The following SDK1 variants were observed in gnomAD, a reference collection of about 807,000 sequenced individuals.
SDK1 encodes the protein sidekick cell adhesion molecule 1.
A neutral mutation model predicts 245.5 loss-of-function variants in SDK1; 157 were observed. That is an observed-to-expected ratio of 0.64 (90% CI 0.56 to 0.73). SDK1 has a LOEUF of 0.73. Ranked by LOEUF, SDK1 falls within the 30% of genes least tolerant of loss-of-function variation. The pLI, the probability that SDK1 is intolerant of heterozygous loss-of-function variation, is 0.00. For synonymous variants in SDK1, 1,647 were observed against 1,278.5 expected, an observed-to-expected ratio of 1.29 and a Z score of -6.15; for missense variants, 3,583 against 3,002.3, an observed-to-expected ratio of 1.19 and a Z score of -4.52.
intron 1 of SDK1, among the ~76,000 whole-genome samples, chr7:3,494,641 C>T (rs1391740158): frequency 6.6e-6 from 1 of 152,172 alleles, no homozygotes; most frequent in Non-Finnish European, 1.5e-5. Flanking sequence ...CCAACCCTTC[C>T]TCATCTCCCA....
rs138773829 is a variant in SDK1, at chr7:3,722,743, G to A, written c.713+80638G>A. On this transcript the variant is annotated intron_variant, in intron 4 of 44. Transcript: ENST00000404826. ...CCCCTGGTGCAGAATCCTCAGATCC[G>A]GGGACTCGCGCGGGTGGCTCAGCAC... Among the ~76,000 whole-genome samples, 161 of 152,298 alleles carry A rather than the reference G, an allele frequency of 1.1e-3. 1 individual carries two copies. Among genetic ancestry groups the A allele is most frequent in the African/African-American group, 3.7e-3 (155 of 41,568 alleles).
intron 1 of SDK1, among the ~76,000 whole-genome samples, chr7:3,413,438 T>A (rs1779269351): frequency 1.3e-5 from 2 of 152,222 alleles, no homozygotes; most frequent in Non-Finnish European, 2.9e-5. Flanking sequence ...CTCACATCTG[T>A]AATCCCAGCA....
At chr7:3,888,270 C>T (rs911051813) in intron 5 of SDK1, among the ~76,000 whole-genome samples, 6 of 152,220 alleles carry the variant, frequency 3.9e-5, no homozygotes, top group Non-Finnish European at 7.3e-5. Context: ...CATGTGAGAA[C>T]GAGTCATCAC....
intron 1 of SDK1, among the ~76,000 whole-genome samples, chr7:3,529,311 A>G (rs913061028): frequency 2.0e-5 from 3 of 152,186 alleles, no homozygotes; most frequent in Admixed American, 2.0e-4. Flanking sequence ...TCCATCCTCT[A>G]CTAAAAGGGA....
intron 4 of SDK1, among the ~76,000 whole-genome samples, chr7:3,677,766 C>T (rs1171240036): frequency 6.6e-6 from 1 of 152,114 alleles, no homozygotes; most frequent in Non-Finnish European, 1.5e-5. Context: ...CTGTGGTAAA[C>T]AAGACAGTGT....
In SDK1 at chr7:4,182,815, C is replaced by A. The variant is rs964688665; in HGVS notation, c.5098+4229C>A. 2.0e-5 allele frequency among the ~76,000 whole-genome samples: 3 copies of A among 152,162 alleles called. No homozygotes were observed. In the East Asian group the frequency reaches 5.8e-4, roughly 29 times the overall value. ...CAGAGGCTGTGAGGCCACTTTAGGG[C>A]CCTGGCAGATGGGGAGCAGTGCCAG... On this transcript the variant is annotated intron_variant, in intron 35 of 44. Coordinates refer to ENST00000404826, the MANE Select transcript of SDK1 (RefSeq NM_152744.4).
intron 5 of SDK1, among the ~76,000 whole-genome samples, chr7:3,906,932 T>C (rs1583543936): frequency 6.6e-6 from 1 of 152,270 alleles, no homozygotes; most frequent in Non-Finnish European, 1.5e-5. Flanking sequence ...ACCCTGCCTC[T>C]GTGTCTTTTT....
At chr7:4,037,149 T>A (rs79564332) in intron 17 of SDK1, among the ~76,000 whole-genome samples, 7,466 of 152,246 alleles carry the variant, frequency 0.049, 256 homozygotes, top group Non-Finnish European at 0.065. Context: ...CAATAGGAAA[T>A]TTAAACGTTT....
chr7:3,700,784 T>C (rs1268501757), intron 4 of SDK1, among the ~76,000 whole-genome samples: 1 of 152,214 alleles, frequency 6.6e-6, no homozygotes, highest in Non-Finnish European at 1.5e-5. Flanking sequence ...TCTATACTTT[T>C]GCACTTTTTG....
chr7:3,686,145 G>A lies in SDK1; in HGVS notation c.713+44040G>A, dbSNP rs1384305115. ...TGCTGGAGCACAGTGGCATGGTCTCGGCCCACTGCAACCTCTACCTCCTGG... is the reference window on the plus strand; with the variant it reads ...TGCTGGAGCACAGTGGCATGGTCTCAGCCCACTGCAACCTCTACCTCCTGG... On this transcript the variant is annotated intron_variant, in intron 4 of 44. Coordinates refer to ENST00000404826, the MANE Select transcript of SDK1 (RefSeq NM_152744.4). 5.3e-5 allele frequency among the ~76,000 whole-genome samples: 8 copies of A among 152,036 alleles called. No individual in the cohort carries two copies. The East Asian group carries it at 9.7e-4, about 18-fold the overall frequency.
intron 32 of SDK1, among the ~76,000 whole-genome samples, chr7:4,169,128 A>G (rs1781678004): frequency 6.6e-6 from 1 of 152,230 alleles, no homozygotes; most frequent in Non-Finnish European, 1.5e-5. Flanking sequence ...AGTCACTGCC[A>G]TCTCTCATTC....
chr7:3,648,683 T>A (rs185513310), intron 4 of SDK1, among the ~76,000 whole-genome samples: 67 of 152,322 alleles, frequency 4.4e-4, no homozygotes, highest in African/African-American at 1.6e-3. Flanking sequence ...TGTAATAATG[T>A]TTTTATAGTT....
intron 17 of SDK1, among the ~76,000 whole-genome samples, chr7:4,043,286 TGTCACAGCCAGGGGCCCAGGTAGAGTGA>T (rs1192346652): frequency 2.7e-5 from 4 of 147,180 alleles, no homozygotes; most frequent in East Asian, 2.0e-4. Flanking sequence ...GTAGAGTGAG[TGTCACAGCCAGGGGCCCAGGTAGAGTGA>T]GTCACAGCCG....
intron 5 of SDK1, among the ~76,000 whole-genome samples, chr7:3,847,038 G>C (rs763061404): frequency 1.3e-5 from 2 of 151,998 alleles, no homozygotes; most frequent in Admixed American, 1.3e-4. Context: ...GACAGCTGCC[G>C]CTTAGTGTAA....
chr7:3,750,557 C>G (rs1779745235), intron 4 of SDK1, among the ~76,000 whole-genome samples: 1 of 152,110 alleles, frequency 6.6e-6, no homozygotes. Flanking sequence ...GAGTTCAACT[C>G]CAAAAACAGC....
intron 1 of SDK1, among the ~76,000 whole-genome samples, chr7:3,595,032 G>A (rs983452641): frequency 2.0e-5 from 3 of 152,160 alleles, no homozygotes; most frequent in Non-Finnish European, 4.4e-5. Flanking sequence ...TGGGTGATTG[G>A]AAAGATGGAA....
intron 5 of SDK1, among the ~76,000 whole-genome samples, chr7:3,843,643 T>C (rs979838613): frequency 9.2e-5 from 14 of 152,216 alleles, no homozygotes; most frequent in Non-Finnish European, 7.3e-5. Flanking sequence ...CAGACATTGT[T>C]ACACAAAAGG....
chr7:4,206,026 G>T (rs1205028704), intron 36 of SDK1, 32 bp downstream of exon 36: 2 of 1,384,380 alleles, frequency 1.4e-6, no homozygotes, highest in Admixed American at 2.2e-5. Flanking sequence ...GCCTCCCCTG[G>T]CTCGCTTGGG....
chr7:3,392,710 T>C (rs750286627), intron 1 of SDK1, among the ~76,000 whole-genome samples: 22 of 152,142 alleles, frequency 1.4e-4, no homozygotes, highest in Admixed American at 3.9e-4. Flanking sequence ...ACAACACATA[T>C]CTTTTTTTAC....
Sources: gnomAD v4.1 joint callset for allele counts (sites outside exome capture counted in the v4.1 genomes callset) on GRCh38, gnomAD v4.1.1 for gene constraint, MANE v1.5 for transcripts, NCBI Gene and HGNC (gene_info 2026-07-23, HGNC 2026-07-21) for gene names.